Variants in RCAN2 observed in about 807,000 individuals in gnomAD.
RCAN2 encodes regulator of calcineurin 2, also known as calcipressin-2.
RCAN2 carries 9 observed loss-of-function variants against 23.6 expected under a neutral mutation model. The observed-to-expected ratio is 0.38, with a 90% confidence interval of 0.23 to 0.67. The LOEUF (loss-of-function observed/expected upper bound fraction) is 0.67, where lower values mean the gene tolerates loss of function less well. Among genes scored for constraint, RCAN2 ranks in the 30% least tolerant of loss-of-function variants. The pLI, the probability that RCAN2 is intolerant of heterozygous loss-of-function variation, is 0.51. For missense variants in RCAN2, 273 were observed against 302.3 expected, an observed-to-expected ratio of 0.90 and a Z score of 0.72; for synonymous variants, 109 against 115.7, an observed-to-expected ratio of 0.94 and a Z score of 0.37.
intron 2 of RCAN2, among the ~76,000 whole-genome samples, chr6:46,334,103 T>C (rs1195974841): frequency 2.0e-5 from 3 of 152,234 alleles, no homozygotes; most frequent in African/African-American, 4.8e-5. Flanking sequence ...TTCCACAGCA[T>C]TCATGTCTCT....
chr6:46,300,880 T>TA (rs561472665), intron 2 of RCAN2, among the ~76,000 whole-genome samples: 99 of 151,742 alleles, frequency 6.5e-4, no homozygotes, highest in Non-Finnish European at 9.4e-4. Context: ...AAGCCTTAAT[T>TA]AAAAAAAATG....
chr6:46,315,321 A>G (rs1763397361), intron 2 of RCAN2, among the ~76,000 whole-genome samples: 1 of 152,176 alleles, frequency 6.6e-6, no homozygotes, highest in South Asian at 2.1e-4. Context: ...GAGATAGACA[A>G]TGAGCCAATA....
At chr6:46,313,061 A>C (rs924676466) in intron 2 of RCAN2, among the ~76,000 whole-genome samples, 1 of 152,184 alleles carries the variant, frequency 6.6e-6, no homozygotes. Context: ...TCTAATTCTT[A>C]GAGTTCACCA....
At chr6:46,327,462 C>G (rs1185899724) in intron 2 of RCAN2, among the ~76,000 whole-genome samples, 1 of 152,122 alleles carries the variant, frequency 6.6e-6, no homozygotes, top group African/African-American at 2.4e-5. Flanking sequence ...CTGGCTGGAG[C>G]CTGAAGTATA....
chr6:46,402,830 T>C (rs543643629), intron 2 of RCAN2, among the ~76,000 whole-genome samples: 5 of 152,376 alleles, frequency 3.3e-5, no homozygotes, highest in African/African-American at 1.2e-4. Context: ...AAGGCTCCTG[T>C]GTATACACGT....
intron 2 of RCAN2, among the ~76,000 whole-genome samples, chr6:46,345,298 A>C (rs952452743): frequency 2.0e-5 from 3 of 152,150 alleles, no homozygotes; most frequent in Non-Finnish European, 2.9e-5. Flanking sequence ...ATCTACAATC[A>C]CTGTTGGATA....
At chr6:46,340,393 T>C (rs1232191886) in intron 2 of RCAN2, among the ~76,000 whole-genome samples, 1 of 152,220 alleles carries the variant, frequency 6.6e-6, no homozygotes, top group Non-Finnish European at 1.5e-5. Context: ...CAGAGTTGTT[T>C]CTGAAAAGTT....
intron 2 of RCAN2, among the ~76,000 whole-genome samples, chr6:46,340,958 T>C (rs1390026748): frequency 1.3e-5 from 2 of 152,170 alleles, no homozygotes; most frequent in Admixed American, 1.3e-4. Flanking sequence ...CATTATTTGA[T>C]GGATAGCATG....
At chr6:46,395,820 C>T (rs10498767) in intron 2 of RCAN2, among the ~76,000 whole-genome samples, 1 of 151,904 alleles carries the variant, frequency 6.6e-6, no homozygotes, top group African/African-American at 2.4e-5. Context: ...TTAATACCAA[C>T]ATATGAGACC....
intron 2 of RCAN2, among the ~76,000 whole-genome samples, chr6:46,362,689 A>G (rs1299189974): frequency 6.6e-6 from 1 of 152,224 alleles, no homozygotes; most frequent in Admixed American, 6.5e-5. Flanking sequence ...GAAAGTCAGG[A>G]TGATGACACA....
In RCAN2 at chr6:46,223,246, G is replaced by T; in HGVS notation, c.627C>A (p.His209Gln). 1.9e-6 allele frequency: 3 copies of T among 1,613,838 alleles called. No homozygotes were observed. Among genetic ancestry groups the T allele is most frequent in the Non-Finnish European group, 2.5e-6 (3 of 1,179,854 alleles). ...GTESTPSVVV[H>Q]VCDSDIEEEE... ...CTTCCTCTATGTCACTGTCGCACAC[G>T]TGCACGACGACACTTGGGGTGGACT... is the stretch of plus-strand genomic sequence containing the variant. The change falls in exon 5 of 5, where the codon CAC becomes CAA. Residue 209 changes from histidine to glutamine, a missense_variant. Transcript: ENST00000371374.
chr6:46,474,821 A>G (rs1768668405), intron 1 of RCAN2, among the ~76,000 whole-genome samples: 1 of 152,210 alleles, frequency 6.6e-6, no homozygotes, highest in Admixed American at 6.5e-5. Context: ...ATTGGGGGTG[A>G]GTAGCTGGGA....
At chr6:46,343,375 A>ATTTTTTTTT (rs3084618) in intron 2 of RCAN2, among the ~76,000 whole-genome samples, 1 of 135,660 alleles carries the variant, frequency 7.4e-6, no homozygotes, top group Non-Finnish European at 1.6e-5. Context: ...TGGGAAAACA[A>ATTTTTTTTT]TTTTTTTTTT....
intron 4 of RCAN2, among the ~76,000 whole-genome samples, chr6:46,233,154 T>C (rs947897860): frequency 6.7e-6 from 1 of 150,290 alleles, no homozygotes; most frequent in Non-Finnish European, 1.5e-5. Flanking sequence ...CGTTCATCTT[T>C]GGTGTTCTCA....
At position 46,257,518 on chromosome 6, in the gene RCAN2, C is replaced by A. The variant is rs61411335; in HGVS notation, c.226-8622G>T. Among the ~76,000 whole-genome samples, 59 of 152,234 alleles carry A rather than the reference C, an allele frequency of 3.9e-4. No individual in the cohort carries two copies. In the East Asian group the frequency reaches 0.01, roughly 26 times the overall value. ...CAATCGTGGTGGAAGGGGAAGCAGG[C>A]ACGTCTTACATGGCAGCAGGAGAGG... On this transcript the variant is annotated intron_variant, in intron 2 of 4. Transcript: ENST00000371374.
At chr6:46,407,912 A>C (rs1248352832) in intron 2 of RCAN2, among the ~76,000 whole-genome samples, 1 of 152,240 alleles carries the variant, frequency 6.6e-6, no homozygotes. Flanking sequence ...GCATGCCCCA[A>C]AGGATTATAA....
intron 1 of RCAN2, among the ~76,000 whole-genome samples, chr6:46,484,616 A>C (rs1768946510): frequency 6.6e-6 from 1 of 152,270 alleles, no homozygotes; most frequent in Non-Finnish European, 1.5e-5. Flanking sequence ...TATTCTACTT[A>C]GCATAAGTCC....
intron 2 of RCAN2, among the ~76,000 whole-genome samples, chr6:46,297,080 TA>T (rs1287894403): frequency 7.2e-5 from 11 of 152,292 alleles, no homozygotes; most frequent in Admixed American, 4.6e-4. Flanking sequence ...AACTTTATGA[TA>T]AAGGCTCCGT....
At chr6:46,239,463 G>A (rs1172227460) in intron 4 of RCAN2, among the ~76,000 whole-genome samples, 2 of 152,292 alleles carry the variant, frequency 1.3e-5, no homozygotes, top group South Asian at 2.1e-4. Context: ...CAGCGTAACC[G>A]CCTTACTACT....
Sources: gnomAD v4.1 joint callset for allele counts (sites outside exome capture counted in the v4.1 genomes callset) on GRCh38, gnomAD v4.1.1 for gene constraint, MANE v1.5 for transcripts, NCBI Gene and HGNC (gene_info 2026-07-23, HGNC 2026-07-21) for gene names.